The following ZRANB3 variants were observed in gnomAD, a reference collection of about 807,000 sequenced individuals.
The protein encoded by ZRANB3 is zinc finger RANBP2-type containing 3.
ZRANB3 carries 125 observed loss-of-function variants against 133.8 expected under a neutral mutation model. The ratio of observed to expected loss-of-function variants is 0.93; its 90% CI spans 0.81 to 1.08. The LOEUF is 1.08. Among genes scored for constraint, ZRANB3 ranks in the 50% least tolerant of loss-of-function variants. The pLI is 0.00. For synonymous variants in ZRANB3, 387 were observed against 432.7 expected (o/e 0.89, Z 1.31); for missense variants, 1,229 against 1,275.5 (o/e 0.96, Z 0.56).
At chr2:135,235,234 C>G (rs1005394492) in intron 12 of ZRANB3, among the ~76,000 whole-genome samples, 2 of 152,076 alleles carry the variant, frequency 1.3e-5, no homozygotes, top group Non-Finnish European at 2.9e-5. Flanking sequence ...AAGACTGAAC[C>G]AGGAAGAAGT....
intron 3 of ZRANB3, among the ~76,000 whole-genome samples, chr2:135,364,238 A>G (rs1046448274): frequency 2.0e-5 from 3 of 152,234 alleles, no homozygotes; most frequent in Middle Eastern, 3.4e-3. Flanking sequence ...AAACTTTGGG[A>G]AAAAAATCTT....
intron 9 of ZRANB3, among the ~76,000 whole-genome samples, chr2:135,272,686 G>C (rs1680589879): frequency 1.3e-5 from 2 of 151,928 alleles, no homozygotes; most frequent in African/African-American, 2.4e-5. Flanking sequence ...CTGGAAAATA[G>C]AGCTTTTAAT....
At chr2:135,346,076 G>A (rs1411551850) in intron 5 of ZRANB3, among the ~76,000 whole-genome samples, 1 of 152,058 alleles carries the variant, frequency 6.6e-6, no homozygotes, top group African/African-American at 2.4e-5. Flanking sequence ...GGACATATAG[G>A]CTATTTCTAG....
chr2:135,315,358 C>A lies in ZRANB3; in HGVS notation c.849+1G>T. 1.3e-6 allele frequency: 2 copies of A among 1,554,766 alleles called. No homozygotes were observed. The highest frequency in any genetic ancestry group is 1.7e-6 in the Non-Finnish European group (2 of 1,156,662). On this transcript the variant is annotated splice_donor_variant, in intron 7 of 20. Coordinates refer to ENST00000264159, the MANE Select transcript of ZRANB3 (RefSeq NM_032143.4). LOFTEE classifies it high-confidence loss of function. ...ACTTTAAATCAAGCAACGGTTCTCA[C>A]CTTGGCAGCTGCTGATGGAAGATCA...
At chr2:135,410,745 A>G (rs1035590994) in intron 2 of ZRANB3, among the ~76,000 whole-genome samples, 6 of 151,164 alleles carry the variant, frequency 4.0e-5, no homozygotes, top group Non-Finnish European at 7.4e-5. Flanking sequence ...TCTAGACTCT[A>G]TAAGGAACTG....
At chr2:135,338,840 GAAT>G (rs1283714795) in intron 6 of ZRANB3, among the ~76,000 whole-genome samples, 1 of 152,124 alleles carries the variant, frequency 6.6e-6, no homozygotes, top group Admixed American at 6.6e-5. Context: ...ATAAATATGT[GAAT>G]AACACATGTA....
chr2:135,405,136 A>T (rs947512389), intron 2 of ZRANB3, among the ~76,000 whole-genome samples: 1 of 151,192 alleles, frequency 6.6e-6, no homozygotes, highest in East Asian at 1.9e-4. Context: ...TCTACCAAGC[A>T]AATGGAAAAC....
At chr2:135,511,061 T>C in intron 1 of ZRANB3, 1 of 773,330 alleles carries the variant, frequency 1.3e-6, no homozygotes. Flanking sequence ...GAGGTTTCTG[T>C]GGTGGAATCT....
At chr2:135,300,867 C>T (rs1402481274) in intron 8 of ZRANB3, among the ~76,000 whole-genome samples, 2 of 152,194 alleles carry the variant, frequency 1.3e-5, no homozygotes, top group African/African-American at 2.4e-5. Flanking sequence ...TCCTCTAAAG[C>T]CCAAATCTGA....
chr2:135,343,470 T>G (rs575989658), intron 6 of ZRANB3, among the ~76,000 whole-genome samples: 1 of 149,804 alleles, frequency 6.7e-6, no homozygotes, highest in South Asian at 2.1e-4. Context: ...CTTGTCTGAT[T>G]TTGGTATTAA....
intron 14 of ZRANB3, among the ~76,000 whole-genome samples, chr2:135,225,575 A>G (rs1176670070): frequency 6.6e-6 from 1 of 152,230 alleles, no homozygotes; most frequent in Non-Finnish European, 1.5e-5. Context: ...TTGCCTTAGT[A>G]TGGATGAGCT....
rs150654344 is a variant in ZRANB3, at chr2:135,312,118, TTTTTATTTTATTTTA to T, written c.966+1356_966+1370del. Among the ~76,000 whole-genome samples the T allele has an allele frequency of 2.8e-3, 415 of 145,970 alleles. 3 individuals carry two copies. Among genetic ancestry groups the T allele is most frequent in the African/African-American group, 9.9e-3 (385 of 38,926 alleles). On this transcript the variant is annotated intron_variant, in intron 8 of 20. Transcript: ENST00000264159. ...CATCCAACCATACATTGTATTTATT[TTTTTATTTTATTTTA>T]TTATTTTATTTTATTTTATTTTATT...
At chr2:135,438,839 C>T (rs947911750) in intron 2 of ZRANB3, among the ~76,000 whole-genome samples, 2 of 152,072 alleles carry the variant, frequency 1.3e-5, no homozygotes, top group Admixed American at 6.5e-5. Flanking sequence ...TGAGGCCAGA[C>T]AGAGCACTGG....
At chr2:135,303,610 C>T (rs1217865476) in intron 8 of ZRANB3, among the ~76,000 whole-genome samples, 3 of 152,004 alleles carry the variant, frequency 2.0e-5, no homozygotes, top group East Asian at 3.9e-4. Context: ...TAGTGTGACT[C>T]GTTCAAAATT....
chr2:135,403,739 T>G (rs562031553), intron 2 of ZRANB3, among the ~76,000 whole-genome samples: 22 of 152,184 alleles, frequency 1.4e-4, no homozygotes, highest in African/African-American at 5.1e-4. Context: ...GGCCGGGTAC[T>G]CCTCTGAGAC....
chr2:135,281,150 CAA>C (rs999772337), intron 8 of ZRANB3, among the ~76,000 whole-genome samples: 13 of 152,188 alleles, frequency 8.5e-5, no homozygotes, highest in African/African-American at 3.1e-4. Context: ...TCGTCTATTG[CAA>C]AAGAGTTGAC....
At chr2:135,347,652 T>A (rs1257639651) in intron 5 of ZRANB3, among the ~76,000 whole-genome samples, 1 of 152,194 alleles carries the variant, frequency 6.6e-6, no homozygotes, top group Non-Finnish European at 1.5e-5. Flanking sequence ...TTTAAGTAAC[T>A]CCTAAATTTT....
At chr2:135,276,682 C>G (rs1680843486) in intron 8 of ZRANB3, among the ~76,000 whole-genome samples, 1 of 152,082 alleles carries the variant, frequency 6.6e-6, no homozygotes, top group Non-Finnish European at 1.5e-5. Flanking sequence ...TAAAAGATAG[C>G]AAGTGTAAAG....
At chr2:135,517,528 C>T (rs1447166684) in intron 1 of ZRANB3, among the ~76,000 whole-genome samples, 4 of 152,182 alleles carry the variant, frequency 2.6e-5, no homozygotes, top group Admixed American at 2.0e-4. Context: ...ACAGTCAGGC[C>T]CCTCTGCTGC....
Sources: allele counts gnomAD v4.1 joint callset (sites outside exome capture counted in the v4.1 genomes callset), GRCh38; gene constraint gnomAD v4.1.1; transcripts MANE v1.5; gene names NCBI Gene and HGNC (gene_info 2026-07-23, HGNC 2026-07-21).